Variants in TRPM7 observed in about 807,000 individuals in gnomAD.
The protein encoded by TRPM7 is LTRPC ion channel family member 7.
A neutral mutation model predicts 229.7 loss-of-function variants in TRPM7; 134 were observed. The ratio of observed to expected loss-of-function variants is 0.58; its 90% CI spans 0.51 to 0.67. The LOEUF (loss-of-function observed/expected upper bound fraction) is 0.67. Ranked by LOEUF, TRPM7 falls within the 30% of genes least tolerant of loss-of-function variation. The pLI, the probability that TRPM7 is intolerant of heterozygous loss-of-function variation, is 0.00. For missense variants in TRPM7, 1,901 were observed against 2,210.0 expected (o/e 0.86, Z 2.80); for synonymous variants, 699 against 715.2 (o/e 0.98, Z 0.36).
intron 17 of TRPM7, among the ~76,000 whole-genome samples, chr15:50,610,553 A>G (rs2060038316): frequency 6.6e-6 from 1 of 152,144 alleles, no homozygotes; most frequent in Non-Finnish European, 1.5e-5. Flanking sequence ...CTTATTTTAA[A>G]AGATATAAGA....
intron 1 of TRPM7, among the ~76,000 whole-genome samples, chr15:50,679,511 A>T (rs1489618270): frequency 0.01 from 780 of 75,332 alleles, 28 homozygotes; most frequent in African/African-American, 0.053. Context: ...GTATATATAT[A>T]ATATATATAT....
intron 4 of TRPM7, 62 bp downstream of exon 4, chr15:50,648,625 A>G (rs2061334377): frequency 4.1e-6 from 6 of 1,458,202 alleles, no homozygotes; most frequent in African/African-American, 1.4e-5. Context: ...TTGCTACACA[A>G]ATTGTGATGT....
chr15:50,657,270 G>A (rs1023196985), intron 3 of TRPM7, among the ~76,000 whole-genome samples: 1 of 152,168 alleles, frequency 6.6e-6, no homozygotes, highest in Non-Finnish European at 1.5e-5. Context: ...GTTGCAGTGA[G>A]CCGAGATTGT....
intron 12 of TRPM7, among the ~76,000 whole-genome samples, chr15:50,623,487 G>GCC (rs570868762): frequency 0.012 from 1,392 of 112,872 alleles, 49 homozygotes; most frequent in African/African-American, 0.026. Context: ...TTGCTGCCCC[G>GCC]CCCCCTCCCC....
chr15:50,611,055 A>G (rs761850418), intron 17 of TRPM7, 38 bp downstream of exon 17: 1 of 1,485,252 alleles, frequency 6.7e-7, no homozygotes, highest in South Asian at 1.1e-5. Context: ...CTTTTTATCT[A>G]ATCACATGCT....
chr15:50,588,338 A>C, intron 27 of TRPM7: 1 of 388,872 alleles, frequency 2.6e-6, no homozygotes, highest in Non-Finnish European at 3.5e-6. Flanking sequence ...TTACACCTCA[A>C]TTTGCATATA....
chr15:50,611,583 T>G (rs1173173492), intron 16 of TRPM7, among the ~76,000 whole-genome samples: 1 of 152,080 alleles, frequency 6.6e-6, no homozygotes, highest in African/African-American at 2.4e-5. Flanking sequence ...CAAACTATAA[T>G]CTCAAAGGGA....
rs2414072 is a variant in TRPM7 at position 50,558,365 on chromosome 15, T to A, written c.*3313A>T. Reference sequence around the variant, plus strand: ...TTGAGACCAGCGTGGGCAACAAGGCTAGACCCCATCTCTACAAAATATATA... The same window carrying A: ...TTGAGACCAGCGTGGGCAACAAGGCAAGACCCCATCTCTACAAAATATATA... On this transcript the variant is annotated 3_prime_UTR_variant, in exon 39 of 39. Transcript: ENST00000646667. 72,497 of 151,662 alleles carry A rather than the reference T, an allele frequency of 0.48. 17,506 individuals are homozygous for A. The highest frequency in any genetic ancestry group is 0.56 in the Admixed American group (8,488 of 15,248). The allele number at this position is 151,662 out of a possible 1,614,324, so 9.4% of individuals were successfully genotyped here. A position where few individuals can be genotyped will look rare whatever the true frequency, so the allele number is the denominator to read the frequency against.
intron 1 of TRPM7, among the ~76,000 whole-genome samples, chr15:50,667,750 T>G (rs143596556): frequency 7.9e-5 from 12 of 152,250 alleles, no homozygotes; most frequent in Non-Finnish European, 1.5e-4. Flanking sequence ...AAAATAAAAT[T>G]GGATCAATTT....
At chr15:50,580,808 G>A (rs938946165) in intron 30 of TRPM7, 66 bp downstream of exon 30, 272 of 1,458,394 alleles carry the variant, frequency 1.9e-4, no homozygotes, top group Non-Finnish European at 2.4e-4. Flanking sequence ...GTAAAGAGCA[G>A]GAAAAAAGAC....
intron 1 of TRPM7, among the ~76,000 whole-genome samples, chr15:50,677,440 G>T (rs28694689): frequency 0.022 from 3,309 of 151,872 alleles, 117 homozygotes; most frequent in African/African-American, 0.077. Context: ...CAGAGCACAG[G>T]ATTAAAAGAG....
chr15:50,600,947 T>C (rs1024737532), intron 21 of TRPM7, among the ~76,000 whole-genome samples: 1 of 152,210 alleles, frequency 6.6e-6, no homozygotes. Flanking sequence ...GTGTTCTTAT[T>C]TGCAAAATGG....
At chr15:50,607,948 G>A (rs558554773) in intron 19 of TRPM7, among the ~76,000 whole-genome samples, 2 of 150,692 alleles carry the variant, frequency 1.3e-5, no homozygotes, top group South Asian at 2.1e-4. Flanking sequence ...CCAGCCACTC[G>A]GGAGGCTGAG....
At chr15:50,677,616 G>A (rs1223623675) in intron 1 of TRPM7, among the ~76,000 whole-genome samples, 4 of 151,570 alleles carry the variant, frequency 2.6e-5, no homozygotes, top group Non-Finnish European at 5.9e-5. Flanking sequence ...TCACGCGCCT[G>A]TAATCCCGGC....
At chr15:50,641,461 T>C (rs2061099541) in intron 5 of TRPM7, among the ~76,000 whole-genome samples, 1 of 152,194 alleles carries the variant, frequency 6.6e-6, no homozygotes, top group Non-Finnish European at 1.5e-5. Flanking sequence ...TCCTCAACTG[T>C]CACCTTATCA....
chr15:50,608,059 AAAAAAAAAAAAG>A (rs1000211793), intron 19 of TRPM7, among the ~76,000 whole-genome samples: 1 of 150,614 alleles, frequency 6.6e-6, no homozygotes, highest in African/African-American at 2.4e-5. Flanking sequence ...TGTCAAAAAA[AAAAAAAAAAAAG>A]AAAGAAAGAA....
In TRPM7 at chr15:50,662,326, C is replaced by CAA. The variant is rs34002511; in HGVS notation, c.83+639_83+640dup. On this transcript the variant is annotated intron_variant, in intron 2 of 38. Coordinates refer to ENST00000646667, the MANE Select transcript of TRPM7 (RefSeq NM_017672.6). ...TGGACGACAGAGCAAGACTCTGTTCCAAAAAAAAAAAAAAGGTAAAAAGAA... is the reference window on the plus strand; with the variant it reads ...TGGACGACAGAGCAAGACTCTGTTCCAAAAAAAAAAAAAAAAGGTAAAAAGAA... 2.3e-3 allele frequency among the ~76,000 whole-genome samples: 291 copies of CAA among 124,682 alleles called. 3 individuals carry two copies. The highest frequency in any genetic ancestry group is 8.0e-3 in the South Asian group (32 of 3,986). 81.8% of individuals were successfully genotyped at this position (124,682 alleles called of 152,430 possible). A position where few individuals can be genotyped will look rare whatever the true frequency, so the allele number is the denominator to read the frequency against.
intron 38 of TRPM7, among the ~76,000 whole-genome samples, chr15:50,567,890 C>G (rs570702860): frequency 6.6e-6 from 1 of 151,816 alleles, no homozygotes; most frequent in East Asian, 1.9e-4. Context: ...AGATCGAGAC[C>G]ATGGTGAAAC....
At chr15:50,616,055 G>A (rs2060213463) in intron 13 of TRPM7, among the ~76,000 whole-genome samples, 1 of 152,056 alleles carries the variant, frequency 6.6e-6, no homozygotes, top group African/African-American at 2.4e-5. Context: ...TATGCAGAAT[G>A]ATTGAGAATG....
Sources: gnomAD v4.1 joint callset for allele counts (sites outside exome capture counted in the v4.1 genomes callset) on GRCh38, gnomAD v4.1.1 for gene constraint, MANE v1.5 for transcripts, NCBI Gene and HGNC (gene_info 2026-07-23, HGNC 2026-07-21) for gene names.